The following CDH10 variants were observed in gnomAD, a reference collection of about 807,000 sequenced individuals.
CDH10 encodes cadherin-10.
A neutral mutation model predicts 73.1 loss-of-function variants in CDH10; 30 were observed. The ratio of observed to expected loss-of-function variants is 0.41; its 90% CI spans 0.31 to 0.56. The LOEUF (loss-of-function observed/expected upper bound fraction) is 0.56. CDH10 is among the 20% of genes least tolerant of loss of function. The probability of loss-of-function intolerance (pLI) is 0.27; values close to 1 mark genes in which losing one functional copy is unlikely to be tolerated. For missense variants in CDH10, 815 were observed against 973.7 expected (o/e 0.84, Z 2.17); for synonymous variants, 345 against 348.2 (o/e 0.99, Z 0.10).
chr5:24,608,000 C>T (rs1193699484), intron 1 of CDH10, among the ~76,000 whole-genome samples: 2 of 152,112 alleles, frequency 1.3e-5, no homozygotes, highest in Non-Finnish European at 2.9e-5. Context: ...TGTTCAAATC[C>T]TCATTCTTTG....
intron 2 of CDH10, among the ~76,000 whole-genome samples, chr5:24,584,925 C>A (rs541016395): frequency 6.6e-6 from 1 of 151,802 alleles, no homozygotes; most frequent in African/African-American, 2.4e-5. Context: ...TGGCTCACTG[C>A]AGCCTCAAAC....
chr5:24,546,807 C>A (rs1744359009), intron 2 of CDH10, among the ~76,000 whole-genome samples: 1 of 152,002 alleles, frequency 6.6e-6, no homozygotes, highest in Admixed American at 6.6e-5. Flanking sequence ...CTTCTCACAG[C>A]ACATAGTACA....
chr5:24,643,144 A>C (rs1748109614), intron 1 of CDH10, among the ~76,000 whole-genome samples: 1 of 152,142 alleles, frequency 6.6e-6, no homozygotes. Flanking sequence ...TATGCATTGC[A>C]CATTGAATAC....
intron 2 of CDH10, among the ~76,000 whole-genome samples, chr5:24,546,615 T>C (rs946341886): frequency 1.3e-5 from 2 of 152,172 alleles, no homozygotes; most frequent in African/African-American, 2.4e-5. Flanking sequence ...CTTATGTATA[T>C]ATGTATATAT....
At chr5:24,593,665 T>A in intron 1 of CDH10, 52 bp from the exon 2 acceptor site, 1 of 544,314 alleles carries the variant, frequency 1.8e-6, no homozygotes, top group Non-Finnish European at 3.2e-6. Context: ...TTATCATTAT[T>A]ACTTTTCATT....
chr5:24,521,685 T>C (rs1743337610), intron 5 of CDH10, among the ~76,000 whole-genome samples: 1 of 152,088 alleles, frequency 6.6e-6, no homozygotes, highest in South Asian at 2.1e-4. Flanking sequence ...CTCAGCATAT[T>C]TGATATTAAA....
intron 2 of CDH10, among the ~76,000 whole-genome samples, chr5:24,568,163 A>G (rs1745231245): frequency 6.8e-6 from 1 of 147,880 alleles, no homozygotes. Flanking sequence ...GAGTCTTGTT[A>G]TAAACAAAAA....
chr5:24,547,123 G>A (rs1271250952), intron 2 of CDH10, among the ~76,000 whole-genome samples: 1 of 152,172 alleles, frequency 6.6e-6, no homozygotes, highest in African/African-American at 2.4e-5. Context: ...ACCAGAGGAC[G>A]ATTTAAAATT....
intron 2 of CDH10, among the ~76,000 whole-genome samples, chr5:24,545,972 C>T: frequency 6.6e-6 from 1 of 151,974 alleles, no homozygotes; most frequent in East Asian, 1.9e-4. Flanking sequence ...TCTAAAGGTG[C>T]TTTTATTTTT....
chr5:24,546,304 C>A (rs1197846602), intron 2 of CDH10, among the ~76,000 whole-genome samples: 1 of 151,992 alleles, frequency 6.6e-6, no homozygotes, highest in Non-Finnish European at 1.5e-5. Flanking sequence ...GATTCTTGTT[C>A]TAGGTTAACT....
chr5:24,492,114 A>G (rs1455278744), intron 10 of CDH10, among the ~76,000 whole-genome samples: 5 of 152,212 alleles, frequency 3.3e-5, no homozygotes, highest in Admixed American at 1.3e-4. Context: ...ATTACAGATG[A>G]TAACAACTGG....
At chr5:24,558,872 A>G (rs191509595) in intron 2 of CDH10, among the ~76,000 whole-genome samples, 2 of 151,966 alleles carry the variant, frequency 1.3e-5, no homozygotes. Context: ...TTCAACATAT[A>G]TTAGTTATTC....
chr5:24,579,641 T>A (rs1745722485), intron 2 of CDH10, among the ~76,000 whole-genome samples: 1 of 152,146 alleles, frequency 6.6e-6, no homozygotes, highest in Non-Finnish European at 1.5e-5. Flanking sequence ...ATTCTTGACT[T>A]AGCAGCAGCT....
intron 1 of CDH10, among the ~76,000 whole-genome samples, chr5:24,633,386 T>C (rs1191587763): frequency 1.3e-5 from 2 of 151,588 alleles, no homozygotes; most frequent in Non-Finnish European, 3.0e-5. Context: ...TTAGAATGTA[T>C]AAAAAAAATG....
In CDH10 at chr5:24,619,198, T is replaced by G. The variant is rs1374100391; in HGVS notation, c.-124+25396A>C. Among the ~76,000 whole-genome samples the G allele has an allele frequency of 2.6e-5, 4 of 152,018 alleles. No homozygotes were observed. In the East Asian group the frequency reaches 7.8e-4, roughly 29 times the overall value. On this transcript the variant is annotated intron_variant, in intron 1 of 11. Transcript: ENST00000264463. ...TCATCTATATCTGATTTAGATGATT[T>G]TTTTTTTTCTTTTGAGACGTAGTCT...
intron 5 of CDH10, among the ~76,000 whole-genome samples, chr5:24,521,584 C>T (rs569064678): frequency 2.6e-4 from 40 of 151,554 alleles, no homozygotes; most frequent in African/African-American, 9.2e-4. Flanking sequence ...TGCACTCGAG[C>T]CTGGGCAACA....
Position 24,487,546 on chromosome 5 carries a change from T to G in CDH10, c.*117A>C. 18 of 923,898 alleles carry G rather than the reference T, an allele frequency of 1.9e-5. No individual in the cohort carries two copies. The highest frequency in any genetic ancestry group is 2.7e-5 in the Non-Finnish European group (16 of 599,642). The allele number at this position is 923,898 out of a possible 1,614,324, so 57.2% of individuals were successfully genotyped here. The stretch of plus-strand genomic sequence containing the variant: ...ATTAATGAACAAATTAAGAAGTAAA[T>G]GAGAAAAAAAATTGTGCTGACTGGC... On this transcript the variant is annotated 3_prime_UTR_variant, in exon 12 of 12. Transcript: ENST00000264463.
chr5:24,515,193 TTA>T (rs1743062770), intron 5 of CDH10, among the ~76,000 whole-genome samples: 3 of 152,158 alleles, frequency 2.0e-5, no homozygotes, highest in Admixed American at 6.5e-5. Flanking sequence ...GTACTTAGCC[TTA>T]GTGGAAAATT....
chr5:24,531,536 G>C (rs1461432736), intron 5 of CDH10, among the ~76,000 whole-genome samples: 4 of 152,022 alleles, frequency 2.6e-5, no homozygotes, highest in African/African-American at 9.7e-5. Context: ...TCACAAACGT[G>C]GTGGAAGGTG....
Sources: allele counts gnomAD v4.1 joint callset (sites outside exome capture counted in the v4.1 genomes callset), GRCh38; gene constraint gnomAD v4.1.1; transcripts MANE v1.5; gene names NCBI Gene and HGNC (gene_info 2026-07-23, HGNC 2026-07-21).